DNAH8: variants seen among roughly 807,000 people sequenced by gnomAD.
The protein encoded by DNAH8 is dynein axonemal heavy chain 8.
Under a neutral mutation model 562.1 loss-of-function variants are expected in DNAH8, and 382 were observed. The observed-to-expected ratio is 0.68, with a 90% CI of 0.63 to 0.74. The LOEUF is 0.74. Ranked by LOEUF, DNAH8 falls within the 30% of genes least tolerant of loss-of-function variation. The pLI is 0.00. For missense variants in DNAH8, 5,203 were observed against 5,620.4 expected, an observed-to-expected ratio of 0.93 and a Z score of 2.37; for synonymous variants, 1,881 against 1,919.4, an observed-to-expected ratio of 0.98 and a Z score of 0.52.
chr6:38,978,002 C>T (rs1432214816), intron 85 of DNAH8, among the ~76,000 whole-genome samples: 1 of 152,184 alleles, frequency 6.6e-6, no homozygotes, highest in African/African-American at 2.4e-5. Context: ...GGCCAAATGG[C>T]CACAACCCTT....
In DNAH8 at chr6:38,904,792, CAAAAAA is replaced by C. The variant is rs759782655; in HGVS notation, c.9195-1447_9195-1442del. Among the ~76,000 whole-genome samples, 7 of 86,382 alleles carry C rather than the reference CAAAAAA, an allele frequency of 8.1e-5. No individual in the cohort carries two copies. The East Asian group carries it at 2.2e-3, about 27-fold the overall frequency. 56.7% of individuals were successfully genotyped at this position (86,382 alleles called of 152,430 possible). ...GGGCAAGAAGAGTGAAACTCCGTCT[CAAAAAA>C]AAAAAAAAAAAAAAGAAAGAATCTG... On this transcript the variant is annotated intron_variant, in intron 62 of 92. Transcript: ENST00000327475.
At chr6:38,855,257 A>G (rs115923239) in intron 41 of DNAH8, among the ~76,000 whole-genome samples, 3,854 of 152,228 alleles carry the variant, frequency 0.025, 173 homozygotes, top group African/African-American at 0.086. Flanking sequence ...AATGCAAAAA[A>G]TATAAAAGTG....
chr6:38,789,969 A>G (rs1243511880), intron 19 of DNAH8, 86 bp downstream of exon 19: 4 of 1,022,556 alleles, frequency 3.9e-6, no homozygotes, highest in African/African-American at 1.6e-5. Context: ...TGGAACATCT[A>G]TTCTTCTTTA....
rs10456467 is a variant in DNAH8, at chr6:38,955,082, C to T, written c.12451+3562C>T. ...TCCCAGGCTCAAGTGATCCTCCTACCTCAGCCTTCCAAGTAGCTGGGACTA... is the reference window on the plus strand; with the variant it reads ...TCCCAGGCTCAAGTGATCCTCCTACTTCAGCCTTCCAAGTAGCTGGGACTA... On this transcript the variant is annotated intron_variant, in intron 82 of 92. Coordinates refer to ENST00000327475, the MANE Select transcript of DNAH8 (RefSeq NM_001206927.2). 4.0e-3 allele frequency among the ~76,000 whole-genome samples: 613 copies of T among 152,282 alleles called. 1 individual carries two copies. Among genetic ancestry groups the T allele is most frequent in the Non-Finnish European group, 6.4e-3 (436 of 68,030 alleles).
chr6:39,006,326 T>A (rs529425551), intron 88 of DNAH8, among the ~76,000 whole-genome samples: 1 of 150,254 alleles, frequency 6.7e-6, no homozygotes, highest in African/African-American at 2.4e-5. Flanking sequence ...AACTTCTTTT[T>A]AACTCTTTTT....
At chr6:38,754,186 AG>A (rs1363616665) in intron 9 of DNAH8, among the ~76,000 whole-genome samples, 4 of 152,136 alleles carry the variant, frequency 2.6e-5, no homozygotes, top group Non-Finnish European at 5.9e-5. Context: ...TAGATGGACA[AG>A]AACAGTGCAC....
intron 89 of DNAH8, among the ~76,000 whole-genome samples, chr6:39,009,938 T>C (rs1260007766): frequency 6.6e-6 from 1 of 152,188 alleles, no homozygotes; most frequent in African/African-American, 2.4e-5. Context: ...TTTATTGGTG[T>C]GATCTTCAAA....
intron 11 of DNAH8, chr6:38,763,799 ACT>A (rs1766743639): frequency 6.5e-6 from 1 of 153,124 alleles, no homozygotes; most frequent in African/African-American, 2.4e-5. Context: ...TGAGAGCAAG[ACT>A]CTGTTTCAAC....
intron 82 of DNAH8, 27 bp downstream of exon 82, chr6:38,951,547 GCAACACTTC>G: frequency 1.3e-6 from 2 of 1,575,760 alleles, no homozygotes. Context: ...ACAAAATGTA[GCAACACTTC>G]CATATTTTTT....
chr6:38,926,758 AC>A (rs1235563615), intron 74 of DNAH8, among the ~76,000 whole-genome samples: 1 of 151,660 alleles, frequency 6.6e-6, no homozygotes, highest in African/African-American at 2.4e-5. Context: ...AGTGCTCTAA[AC>A]CCCCGTCCCC....
intron 33 of DNAH8, among the ~76,000 whole-genome samples, chr6:38,841,147 C>T (rs557695386): frequency 8.5e-5 from 13 of 152,050 alleles, no homozygotes; most frequent in Admixed American, 6.6e-4. Flanking sequence ...GGCTGGGTGC[C>T]GTAGCTCATG....
chr6:38,798,644 A>C (rs1237441833), intron 21 of DNAH8, among the ~76,000 whole-genome samples: 1 of 152,228 alleles, frequency 6.6e-6, no homozygotes, highest in Non-Finnish European at 1.5e-5. Context: ...TAAGTTTCTT[A>C]CCCTTGGTAT....
At chr6:38,765,911 C>T (rs190275967) in intron 11 of DNAH8, among the ~76,000 whole-genome samples, 1 of 152,090 alleles carries the variant, frequency 6.6e-6, no homozygotes, top group East Asian at 1.9e-4. Flanking sequence ...ATAGAGGTTC[C>T]CCCCAATATT....
In DNAH8 at chr6:38,866,600, T is replaced by G. The variant is rs1276189848; in HGVS notation, c.6508T>G (p.Tyr2170Asp). 1 of 1,608,500 alleles carries G rather than the reference T, an allele frequency of 6.2e-7. No homozygotes were observed. The highest frequency in any genetic ancestry group is 8.5e-7 in the Non-Finnish European group (1 of 1,178,198). Reference sequence around the variant, plus strand: ...ATATTTTAACTTTTAGAACCCTGGATATGCTGGGCGCCAGGAACTACCAGA... The same window carrying G: ...ATATTTTAACTTTTAGAACCCTGGAGATGCTGGGCGCCAGGAACTACCAGA... ...FGIFLTMNPG[Y>D]AGRQELPENL... Residue 2170 changes from tyrosine to aspartate, a missense_variant, in exon 46 of 93, where the codon TAT becomes GAT. Physicochemically the swap from Tyr to Asp is radical, Grantham distance 160 (BLOSUM62 -3). Around this residue, in one of 6 missense-constraint regions of DNAH8, gnomAD observed 2,176 missense variants for 2,365.1 expected, o/e 0.92. Coordinates refer to ENST00000327475, the MANE Select transcript of DNAH8 (RefSeq NM_001206927.2).
intron 41 of DNAH8, among the ~76,000 whole-genome samples, chr6:38,855,567 G>T (rs1008527501): frequency 1.6e-4 from 25 of 152,050 alleles, no homozygotes; most frequent in African/African-American, 5.3e-4. Context: ...ATGTTTTGAT[G>T]TGTATAATAT....
At chr6:38,816,706 T>A (rs1772313236) in intron 26 of DNAH8, among the ~76,000 whole-genome samples, 2 of 152,202 alleles carry the variant, frequency 1.3e-5, no homozygotes, top group Non-Finnish European at 2.9e-5. Flanking sequence ...CCACCAACAG[T>A]GTAAAAGCAT....
At chr6:38,771,829 T>C (rs1260192022) in intron 12 of DNAH8, among the ~76,000 whole-genome samples, 1 of 152,174 alleles carries the variant, frequency 6.6e-6, no homozygotes, top group East Asian at 1.9e-4. Flanking sequence ...TTGGCTATTA[T>C]GAATAATGTT....
At chr6:39,007,637 C>T (rs1162436536) in intron 88 of DNAH8, among the ~76,000 whole-genome samples, 1 of 152,162 alleles carries the variant, frequency 6.6e-6, no homozygotes, top group East Asian at 1.9e-4. Flanking sequence ...CCATATAACC[C>T]TGCATGGTCT....
chr6:38,863,241 C>T (rs1358172709), intron 44 of DNAH8, among the ~76,000 whole-genome samples: 2 of 151,842 alleles, frequency 1.3e-5, no homozygotes, highest in Non-Finnish European at 2.9e-5. Flanking sequence ...ACCATCCTGG[C>T]CAACATGGTG....
Sources: gnomAD v4.1 joint callset for allele counts (sites outside exome capture counted in the v4.1 genomes callset) on GRCh38, gnomAD v4.1.1 for gene constraint, gnomAD v4.1.1 regional missense constraint, MANE v1.5 for transcripts, NCBI Gene and HGNC (gene_info 2026-07-23, HGNC 2026-07-21) for gene names.